KCNT2: variants seen among roughly 807,000 people sequenced by gnomAD.
KCNT2 encodes the protein potassium channel subfamily T member 2.
Under a neutral mutation model 153.8 loss-of-function variants are expected in KCNT2, and 67 were observed. That is an observed-to-expected ratio of 0.44 (90% CI 0.36 to 0.53). The LOEUF (loss-of-function observed/expected upper bound fraction) is 0.53, where lower values mean the gene tolerates loss of function less well. Among genes scored for constraint, KCNT2 ranks in the 20% least tolerant of loss-of-function variants. The pLI is 0.00. For missense variants in KCNT2, 975 were observed against 1,354.8 expected (o/e 0.72, Z 4.40); for synonymous variants, 500 against 458.8 (o/e 1.09, Z -1.15).
intron 25 of KCNT2, among the ~76,000 whole-genome samples, chr1:196,261,032 T>C (rs891367332): frequency 6.6e-6 from 1 of 151,804 alleles, no homozygotes; most frequent in Non-Finnish European, 1.5e-5. Flanking sequence ...TGTGTGTGTG[T>C]TTGTGTGTGT....
chr1:196,483,702 G>A lies in KCNT2; in HGVS notation c.276-1323C>T, dbSNP rs138289526. 2.4e-4 allele frequency among the ~76,000 whole-genome samples: 36 copies of A among 152,000 alleles called. 2 individuals are homozygous for A. In the East Asian group the frequency reaches 6.0e-3, roughly 25 times the overall value. ...TTTGTCAACTAATCCCTTGGGCCACGTCACCCATCACACCTTTCCTGCCAC... is the reference window on the plus strand; with the variant it reads ...TTTGTCAACTAATCCCTTGGGCCACATCACCCATCACACCTTTCCTGCCAC... On this transcript the variant is annotated intron_variant, in intron 3 of 27. Coordinates refer to ENST00000294725, the MANE Select transcript of KCNT2 (RefSeq NM_198503.5).
chr1:196,473,058 G>A (rs961160878), intron 5 of KCNT2, among the ~76,000 whole-genome samples: 2 of 152,048 alleles, frequency 1.3e-5, no homozygotes, highest in African/African-American at 2.4e-5. Context: ...TTCCATGGAC[G>A]GAATATATAA....
At chr1:196,369,184 G>C (rs1668294328) in intron 14 of KCNT2, among the ~76,000 whole-genome samples, 1 of 152,060 alleles carries the variant, frequency 6.6e-6, no homozygotes. Context: ...TTAAAATTCT[G>C]ATAAAGCTGA....
At chr1:196,428,785 A>G (rs529386930) in intron 9 of KCNT2, among the ~76,000 whole-genome samples, 2 of 152,248 alleles carry the variant, frequency 1.3e-5, no homozygotes, top group South Asian at 4.1e-4. Flanking sequence ...TATTCTATTC[A>G]GATACATTGC....
intron 14 of KCNT2, among the ~76,000 whole-genome samples, chr1:196,355,415 T>C (rs1430422749): frequency 1.3e-5 from 2 of 151,764 alleles, no homozygotes; most frequent in Admixed American, 6.6e-5. Flanking sequence ...GTTTGCCATT[T>C]TCAGGATAAG....
intron 26 of KCNT2, among the ~76,000 whole-genome samples, chr1:196,250,647 A>T (rs1388506232): frequency 1.3e-5 from 2 of 152,112 alleles, no homozygotes; most frequent in African/African-American, 4.8e-5. Context: ...TAAAAAGCTT[A>T]TTCACAGCAA....
chr1:196,481,476 T>C (rs1410823727), intron 4 of KCNT2, among the ~76,000 whole-genome samples: 1 of 152,180 alleles, frequency 6.6e-6, no homozygotes, highest in Non-Finnish European at 1.5e-5. Context: ...TATGAATAAA[T>C]AAATAAACTA....
At chr1:196,358,211 T>C (rs971250477) in intron 14 of KCNT2, among the ~76,000 whole-genome samples, 1 of 151,912 alleles carries the variant, frequency 6.6e-6, no homozygotes, top group African/African-American at 2.4e-5. Context: ...TCCTAAATAT[T>C]TCTATGAGAT....
chr1:196,591,105 G>C (rs1663295828), intron 1 of KCNT2, among the ~76,000 whole-genome samples: 1 of 152,108 alleles, frequency 6.6e-6, no homozygotes, highest in African/African-American at 2.4e-5. Context: ...GGGCTAATGG[G>C]AGGTGTTTGG....
intron 5 of KCNT2, among the ~76,000 whole-genome samples, chr1:196,470,326 A>G (rs1677980794): frequency 6.6e-6 from 1 of 152,218 alleles, no homozygotes; most frequent in Non-Finnish European, 1.5e-5. Flanking sequence ...GAAAAAAAGG[A>G]TGACTGGATA....
chr1:196,555,727 C>T (rs1166165006), intron 1 of KCNT2, among the ~76,000 whole-genome samples: 1 of 151,286 alleles, frequency 6.6e-6, no homozygotes, highest in Non-Finnish European at 1.5e-5. Flanking sequence ...CTGAAAGAAT[C>T]ACATGACCTG....
intron 1 of KCNT2, among the ~76,000 whole-genome samples, chr1:196,535,544 A>C (rs1273731342): frequency 6.6e-6 from 1 of 152,194 alleles, no homozygotes; most frequent in Non-Finnish European, 1.5e-5. Context: ...TTTTAGAATA[A>C]TGCTTATTTT....
chr1:196,313,283 G>A (rs530178678), intron 21 of KCNT2, among the ~76,000 whole-genome samples: 3 of 151,734 alleles, frequency 2.0e-5, no homozygotes, highest in African/African-American at 7.2e-5. Flanking sequence ...TACTCAGAGT[G>A]TTGAATGCTA....
intron 1 of KCNT2, among the ~76,000 whole-genome samples, chr1:196,557,307 C>G (rs143523108): frequency 6.6e-6 from 1 of 151,064 alleles, no homozygotes; most frequent in Non-Finnish European, 1.5e-5. Flanking sequence ...TTTAATAAAA[C>G]GTTCCTTGTT....
At chr1:196,524,988 A>C (rs887553177) in intron 1 of KCNT2, among the ~76,000 whole-genome samples, 4 of 152,186 alleles carry the variant, frequency 2.6e-5, no homozygotes, top group African/African-American at 9.7e-5. Flanking sequence ...AGAGAAAAGG[A>C]AGAAATCTGG....
chr1:196,568,369 G>A (rs543534918), intron 1 of KCNT2, among the ~76,000 whole-genome samples: 222 of 152,118 alleles, frequency 1.5e-3, no homozygotes, highest in African/African-American at 5.1e-3. Context: ...CGAGGCGGGC[G>A]GATCACGAGA....
intron 14 of KCNT2, among the ~76,000 whole-genome samples, chr1:196,362,706 T>C (rs1447020515): frequency 6.6e-6 from 1 of 152,140 alleles, no homozygotes; most frequent in Non-Finnish European, 1.5e-5. Context: ...AAATAAAGTT[T>C]TAATTCCTCA....
chr1:196,581,936 A>T (rs1023360224), intron 1 of KCNT2, among the ~76,000 whole-genome samples: 1 of 152,096 alleles, frequency 6.6e-6, no homozygotes, highest in South Asian at 2.1e-4. Context: ...ACATTTCAGG[A>T]AAATTATGTC....
intron 18 of KCNT2, among the ~76,000 whole-genome samples, chr1:196,327,704 C>G (rs2148076716): frequency 6.8e-6 from 1 of 146,822 alleles, no homozygotes; most frequent in Admixed American, 6.8e-5. Flanking sequence ...CTCACTCCTG[C>G]CGCCCAGGCT....
Sources: allele counts gnomAD v4.1 joint callset (sites outside exome capture counted in the v4.1 genomes callset), GRCh38; gene constraint gnomAD v4.1.1; transcripts MANE v1.5; gene names NCBI Gene and HGNC (gene_info 2026-07-23, HGNC 2026-07-21).